The following TMEM135 variants were observed in gnomAD, a reference collection of about 807,000 sequenced individuals.
TMEM135 encodes transmembrane protein 135.
TMEM135 carries 30 observed loss-of-function variants against 60.3 expected under a neutral mutation model. The ratio of observed to expected loss-of-function variants is 0.50; its 90% CI spans 0.37 to 0.68. TMEM135 has a LOEUF of 0.68. Ranked by LOEUF, TMEM135 falls within the 30% of genes least tolerant of loss-of-function variation. The pLI is 0.00. For missense variants in TMEM135, 468 were observed against 548.8 expected, an observed-to-expected ratio of 0.85 and a Z score of 1.47; for synonymous variants, 190 against 186.7, an observed-to-expected ratio of 1.02 and a Z score of -0.14.
At chr11:87,069,208 C>T (rs1217082580) in intron 2 of TMEM135, among the ~76,000 whole-genome samples, 1 of 146,414 alleles carries the variant, frequency 6.8e-6, no homozygotes, top group East Asian at 2.2e-4. Flanking sequence ...ATTGCTTGAA[C>T]CCGGGAGGCG....
chr11:87,266,490 G>A (rs1339387136), intron 6 of TMEM135, among the ~76,000 whole-genome samples: 1 of 152,076 alleles, frequency 6.6e-6, no homozygotes, highest in Non-Finnish European at 1.5e-5. Flanking sequence ...TTCTTTGAAG[G>A]TTTATTTTCC....
At chr11:87,114,814 G>T (rs933592907) in intron 4 of TMEM135, among the ~76,000 whole-genome samples, 29 of 152,266 alleles carry the variant, frequency 1.9e-4, no homozygotes, top group Admixed American at 1.6e-3. Context: ...AGCTGTACAG[G>T]ACTTGGAAAT....
chr11:87,038,049 G>A lies in TMEM135; in HGVS notation c.4G>A (p.Ala2Thr). The A allele has an allele frequency of 6.2e-7, 1 of 1,614,054 alleles. No homozygotes were observed. The highest frequency in any genetic ancestry group is 1.1e-5 in the South Asian group (1 of 91,074). The change falls in exon 1 of 15, where the codon GCG (alanine) becomes ACG (threonine). Residue 2 changes from alanine (A) to threonine (T), a missense_variant. Ala to Thr is a moderately conservative substitution (Grantham distance 58). Transcript: ENST00000305494. M[A>T]ALSKSIPHNC... ...CTTCTCCGCGCTGTTCCTCGTCATG[G>A]CGGCCCTCAGCAAGTCCATCCCTCA...
At chr11:87,046,012 A>C (rs1362418573) in intron 1 of TMEM135, among the ~76,000 whole-genome samples, 1 of 152,188 alleles carries the variant, frequency 6.6e-6, no homozygotes, top group Non-Finnish European at 1.5e-5. Context: ...AGGAGGGGAG[A>C]TTAGGCACAT....
intron 4 of TMEM135, among the ~76,000 whole-genome samples, chr11:87,141,349 A>G (rs1591050772): frequency 6.6e-6 from 1 of 152,148 alleles, no homozygotes; most frequent in African/African-American, 2.4e-5. Flanking sequence ...ATTCTAATGG[A>G]ATGGAAATGT....
intron 6 of TMEM135, among the ~76,000 whole-genome samples, chr11:87,264,725 A>G (rs1941718051): frequency 6.6e-6 from 1 of 151,920 alleles, no homozygotes; most frequent in Non-Finnish European, 1.5e-5. Flanking sequence ...TCAGTCTTCC[A>G]GATCTATGGT....
intron 3 of TMEM135, among the ~76,000 whole-genome samples, chr11:87,087,877 C>G (rs187162381): frequency 6.6e-6 from 1 of 152,166 alleles, no homozygotes; most frequent in Admixed American, 6.5e-5. Context: ...GCTGGGATTA[C>G]AGGCATGCAC....
intron 12 of TMEM135, among the ~76,000 whole-genome samples, chr11:87,317,230 C>T (rs993996616): frequency 2.0e-5 from 3 of 152,030 alleles, no homozygotes; most frequent in Non-Finnish European, 4.4e-5. Flanking sequence ...CGCAGTTATT[C>T]TATCTATTGG....
intron 1 of TMEM135, among the ~76,000 whole-genome samples, chr11:87,042,954 G>GTTTTTT (rs201655891): frequency 1.6e-5 from 2 of 125,406 alleles, no homozygotes; most frequent in African/African-American, 6.5e-5. Flanking sequence ...CTGTAGTTTT[G>GTTTTTT]TTTTGTTTTT....
At chr11:87,288,842 A>G (rs1339413068) in intron 6 of TMEM135, among the ~76,000 whole-genome samples, 1 of 152,152 alleles carries the variant, frequency 6.6e-6, no homozygotes, top group Non-Finnish European at 1.5e-5. Flanking sequence ...TAAAATGCGT[A>G]ATATAAGCAC....
intron 5 of TMEM135, among the ~76,000 whole-genome samples, chr11:87,179,195 T>C (rs2135300648): frequency 6.6e-6 from 1 of 152,116 alleles, no homozygotes; most frequent in East Asian, 1.9e-4. Context: ...TTAAATTTTC[T>C]TGCCCTTTTT....
Position 87,286,155 on chromosome 11 carries a change from A to G in TMEM135, c.510-9627A>G, listed in dbSNP as rs548122861. On this transcript the variant is annotated intron_variant, in intron 6 of 14. Transcript: ENST00000305494. ...AGACATAAAAGTTCTCCAAGTCCCC[A>G]CTAGATTAGCTAGACACAGAGCACT... Among the ~76,000 whole-genome samples, 35 of 152,176 alleles carry G rather than the reference A, an allele frequency of 2.3e-4. No homozygotes were observed. The South Asian group carries it at 7.0e-3, about 31-fold the overall frequency.
At chr11:87,314,944 C>G (rs1942702022) in intron 12 of TMEM135, among the ~76,000 whole-genome samples, 1 of 151,808 alleles carries the variant, frequency 6.6e-6, no homozygotes, top group Non-Finnish European at 1.5e-5. Flanking sequence ...TCAAAACAAA[C>G]AAATCAACAA....
chr11:87,157,238 A>G (rs963929735), intron 4 of TMEM135, 103 bp from the exon 5 acceptor site: 17 of 1,059,850 alleles, frequency 1.6e-5, no homozygotes, highest in Non-Finnish European at 2.5e-5. Context: ...GTTGCTGGAT[A>G]TATAATAGTA....
At chr11:87,080,031 G>A (rs545564581) in intron 3 of TMEM135, among the ~76,000 whole-genome samples, 45 of 151,136 alleles carry the variant, frequency 3.0e-4, no homozygotes, top group African/African-American at 1.1e-3. Flanking sequence ...TAGTGGAGAC[G>A]GGGTTTCACC....
intron 1 of TMEM135, among the ~76,000 whole-genome samples, chr11:87,041,620 G>A (rs944351435): frequency 6.6e-6 from 1 of 152,164 alleles, no homozygotes; most frequent in African/African-American, 2.4e-5. Flanking sequence ...AAGGTCTGTT[G>A]TGAGGAGTTA....
At chr11:87,202,965 G>A (rs1301866015) in intron 5 of TMEM135, among the ~76,000 whole-genome samples, 9 of 148,670 alleles carry the variant, frequency 6.1e-5, no homozygotes, top group Non-Finnish European at 1.0e-4. Context: ...CCCGGGAGGC[G>A]GAGCTTGCAG....
chr11:87,196,236 C>T (rs1243301226), intron 5 of TMEM135, among the ~76,000 whole-genome samples: 2 of 152,118 alleles, frequency 1.3e-5, no homozygotes, highest in Non-Finnish European at 2.9e-5. Flanking sequence ...TTGTAACACT[C>T]ATCATCCTTT....
At chr11:87,295,231 A>G (rs2135433538) in intron 6 of TMEM135, among the ~76,000 whole-genome samples, 1 of 152,094 alleles carries the variant, frequency 6.6e-6, no homozygotes, top group East Asian at 1.9e-4. Context: ...CTCTCCCCTC[A>G]CCCCAACTCT....
Sources: gnomAD v4.1 joint callset for allele counts (sites outside exome capture counted in the v4.1 genomes callset) on GRCh38, gnomAD v4.1.1 for gene constraint, MANE v1.5 for transcripts, NCBI Gene and HGNC (gene_info 2026-07-23, HGNC 2026-07-21) for gene names.